Variants in SGSM2 observed in about 807,000 individuals in gnomAD.
SGSM2 encodes small G protein signaling modulator 2.
In SGSM2, 89 loss-of-function variants were observed where a neutral mutation model predicts 126.6. That is an observed-to-expected ratio of 0.70 (90% CI 0.59 to 0.84). SGSM2 has a LOEUF of 0.84. Ranked by LOEUF, SGSM2 falls within the 40% of genes least tolerant of loss-of-function variation. The probability of loss-of-function intolerance (pLI) is 0.00; values close to 1 mark genes in which losing one functional copy is unlikely to be tolerated. For missense variants in SGSM2, 1,404 were observed against 1,416.6 expected (o/e 0.99, Z 0.14); for synonymous variants, 614 against 574.3 (o/e 1.07, Z -0.99).
rs147368992 is a variant in SGSM2 at position 2,340,806 on chromosome 17, G to A, written c.58-2739G>A. ...TCACCATGTTAGCCAGGATGGTCTC[G>A]ATCTCCTGACCTCGTGATCCGCCCA... is the stretch of plus-strand genomic sequence containing the variant. On this transcript the variant is annotated intron_variant, in intron 1 of 23. Transcript: ENST00000268989. Among the ~76,000 whole-genome samples, 683 of 152,104 alleles carry A rather than the reference G, an allele frequency of 4.5e-3. 24 individuals are homozygous for A. In the East Asian group the frequency reaches 0.073, roughly 16 times the overall value.
chr17:2,376,147 T>A lies in SGSM2; in HGVS notation c.2495T>A (p.Leu832Gln). 3 of 1,614,104 alleles carry A rather than the reference T, an allele frequency of 1.9e-6. No individual in the cohort carries two copies. Among genetic ancestry groups the A allele is most frequent in the Middle Eastern group, 1.6e-4 (1 of 6,062 alleles). ...CCTCCACTCTTCCAGATAGAATTAC[T>A]GGACACTGTGGCCTTAAACCTGCAC... ...VCAAAYTIEL[L>Q]DTVALNLHRI... The change falls in exon 19 of 24, where the codon CTG becomes CAG. Residue 832 changes from leucine to glutamine, a missense_variant. By Grantham distance (113) the Leu-to-Gln change is moderately radical. Transcript: ENST00000268989.
Position 2,337,936 on chromosome 17 carries a change from A to C in SGSM2, c.57+191A>C, listed in dbSNP as rs2064155845. ...AGGGCAGCGCCCCTCTGCCCGGGGG[A>C]CCCGGCCGGCGCTCCCGGCTTGTTT... is the stretch of plus-strand genomic sequence containing the variant. On this transcript the variant is annotated intron_variant, in intron 1 of 23. Coordinates refer to ENST00000268989, the MANE Select transcript of SGSM2 (RefSeq NM_014853.3). This position sits in a 1 kb window ranked among gnomAD's most constrained non-coding sequence, Gnocchi z 5.1. Among the ~76,000 whole-genome samples the C allele has an allele frequency of 2.0e-5, 3 of 151,052 alleles. No homozygotes were observed. In the South Asian group the frequency reaches 6.3e-4, roughly 32 times the overall value.
chr17:2,373,148 G>A (rs1052090349), intron 16 of SGSM2, 67 bp downstream of exon 16: 3 of 1,591,316 alleles, frequency 1.9e-6, no homozygotes, highest in African/African-American at 1.3e-5. Flanking sequence ...CCAGGGAGGG[G>A]ACCTTGGAAG....
chr17:2,353,435 A>G (rs1268117233), intron 2 of SGSM2, among the ~76,000 whole-genome samples: 2 of 152,136 alleles, frequency 1.3e-5, no homozygotes, highest in African/African-American at 2.4e-5. Flanking sequence ...TTCATAATAT[A>G]TTTAACTGGT....
Position 2,363,017 on chromosome 17 carries a change from G to C in SGSM2, c.555G>C (p.Lys185Asn). 1.2e-6 allele frequency: 2 copies of C among 1,614,032 alleles called. No homozygotes were observed. The highest frequency in any genetic ancestry group is 1.7e-6 in the Non-Finnish European group (2 of 1,180,048). The stretch of plus-strand genomic sequence containing the variant: ...GACCCTGTGCCTTGGAATACACTAA[G>C]CTCAAGACAGCCGATCACTACTGGA... ...LVGPCALEYT[K>N]LKTADHYWTD... Residue 185 changes from lysine (K) to asparagine (N), a missense_variant, in exon 6 of 24, where the codon AAG becomes AAC. Coordinates refer to ENST00000268989, the MANE Select transcript of SGSM2 (RefSeq NM_014853.3). The surrounding 1 kb of genome is among the most constrained non-coding windows in gnomAD (Gnocchi z 4.2).
At chr17:2,354,239 G>A (rs939410805) in intron 2 of SGSM2, among the ~76,000 whole-genome samples, 8 of 69,538 alleles carry the variant, frequency 1.2e-4, no homozygotes, top group Non-Finnish European at 2.0e-4. Flanking sequence ...TAGTAGAGAC[G>A]GGGTTTCACT....
chr17:2,345,741 G>A (rs2064573443), intron 2 of SGSM2, among the ~76,000 whole-genome samples: 1 of 152,082 alleles, frequency 6.6e-6, no homozygotes, highest in Admixed American at 6.6e-5. Context: ...CAGTCACGGA[G>A]AACAGGAGCA....
chr17:2,359,125 C>T (rs1189259701), intron 2 of SGSM2, among the ~76,000 whole-genome samples: 1 of 152,160 alleles, frequency 6.6e-6, no homozygotes, highest in African/African-American at 2.4e-5. Flanking sequence ...GATCCGCCTG[C>T]CTCGGCCTCC....
At position 2,376,157 on chromosome 17, in the gene SGSM2, G is replaced by A. The variant is rs781546559; in HGVS notation, c.2505G>A (p.Val835=). 6.2e-7 allele frequency: 1 copy of A among 1,614,092 alleles called. No individual in the cohort carries two copies. Among genetic ancestry groups the A allele is most frequent in the South Asian group, 1.1e-5 (1 of 91,090 alleles). Residue 835 remains valine (V), a synonymous_variant, in exon 19 of 24, where the codon GTG becomes GTA. Coordinates refer to ENST00000268989, the MANE Select transcript of SGSM2 (RefSeq NM_014853.3). ...TCCAGATAGAATTACTGGACACTGT[G>A]GCCTTAAACCTGCACCGCATAGACA... ...AAYTIELLDT[V]ALNLHRIDKD...
intron 2 of SGSM2, among the ~76,000 whole-genome samples, chr17:2,358,873 G>GTT (rs759581510): frequency 0.12 from 10,611 of 86,964 alleles, 541 homozygotes; most frequent in South Asian, 0.2. Context: ...TGTTGTTGTT[G>GTT]TTTTTTTTTT....
At chr17:2,342,206 A>C (rs1200685947) in intron 1 of SGSM2, among the ~76,000 whole-genome samples, 7 of 151,084 alleles carry the variant, frequency 4.6e-5, no homozygotes, top group Non-Finnish European at 1.0e-4. Context: ...CACCGAGGTC[A>C]GGAGTTCAAG....
chr17:2,367,082 C>G lies in SGSM2; in HGVS notation c.1289-189C>G. 1.6e-6 allele frequency: 1 copy of G among 622,752 alleles called. No homozygotes were observed. The highest frequency in any genetic ancestry group is 2.7e-6 in the Non-Finnish European group (1 of 368,068). The allele number at this position is 622,752 out of a possible 1,614,324, so 38.6% of individuals were successfully genotyped here. On this transcript the variant is annotated intron_variant, in intron 11 of 23. Coordinates refer to ENST00000268989, the MANE Select transcript of SGSM2 (RefSeq NM_014853.3). This position sits in a 1 kb window ranked among gnomAD's most constrained non-coding sequence, Gnocchi z 4.0. ...GTGAGGTTCTGCAGCTGCCCCAGCC[C>G]CTCGCCTCCTTCCACACTCTCCCAG...
At chr17:2,378,120 C>T (rs2066263063) in intron 22 of SGSM2, among the ~76,000 whole-genome samples, 167 bp downstream of exon 22, 1 of 152,152 alleles carries the variant, frequency 6.6e-6, no homozygotes, top group African/African-American at 2.4e-5. Context: ...ACTGTGGCTG[C>T]CTGGGCCTAT....
chr17:2,364,451 G>A (rs2065463511), intron 8 of SGSM2, 145 bp from the exon 9 acceptor site: 1 of 911,386 alleles, frequency 1.1e-6, no homozygotes, highest in Non-Finnish European at 1.7e-6. Context: ...CAGATCTCAG[G>A]GGTCATGGCT....
In SGSM2 at chr17:2,363,246, G is replaced by A. The variant is rs570704946; in HGVS notation, c.672+112G>A. On this transcript the variant is annotated intron_variant, in intron 6 of 23. Transcript: ENST00000268989. The surrounding 1 kb of genome is among the most constrained non-coding windows in gnomAD (Gnocchi z 4.2). ...GGCCTTGGAGATGCCCCAAGGTAGCGGCTGCCTCAGAAGAGCCTTCTCCGC... is the reference window on the plus strand; with the variant it reads ...GGCCTTGGAGATGCCCCAAGGTAGCAGCTGCCTCAGAAGAGCCTTCTCCGC... 2.7e-5 allele frequency: 37 copies of A among 1,388,672 alleles called. No homozygotes were observed. Among genetic ancestry groups the A allele is most frequent in the East Asian group, 1.2e-4 (5 of 40,052 alleles). 86.0% of individuals were successfully genotyped at this position (1,388,672 alleles called of 1,614,324 possible).
At chr17:2,376,486 C>T in intron 19 of SGSM2, 1 of 667,372 alleles carries the variant, frequency 1.5e-6, no homozygotes, top group Non-Finnish European at 2.5e-6. Flanking sequence ...GAAGCTTTCC[C>T]TCATCCCCGC....
Position 2,377,966 on chromosome 17 carries a change from T to C in SGSM2, c.2899+13T>C, listed in dbSNP as rs1240257714. On this transcript the variant is annotated intron_variant, in intron 22 of 23. Transcript: ENST00000268989. ...GATTTTAAGAGAGGTAAGAAGTGGG[T>C]TGGATCATGGGGCTGAGGTCAGGGA... The C allele has an allele frequency of 5.2e-6, 8 of 1,552,584 alleles. No homozygotes were observed. Among genetic ancestry groups the C allele is most frequent in the East Asian group, 4.5e-5 (2 of 44,546 alleles).
At chr17:2,365,413 CAGG>C in intron 11 of SGSM2, 72 bp downstream of exon 11, 1 of 1,459,396 alleles carries the variant, frequency 6.9e-7, no homozygotes, top group Admixed American at 2.4e-5. Flanking sequence ...CAGCGTCACC[CAGG>C]AGGGCAGCAG....
At position 2,362,214 on chromosome 17, in the gene SGSM2, G is replaced by C; in HGVS notation, c.402G>C (p.Thr134=). Residue 134 remains threonine (T), a synonymous_variant, in exon 4 of 24, where the codon ACG becomes ACC. Transcript: ENST00000268989. The surrounding 1 kb of genome is among the most constrained non-coding windows in gnomAD (Gnocchi z 4.9). The part of the protein sequence containing the change: ...PQALKHVWVR[T]ALIEKVLDKV... ...CCTTGAAACACGTATGGGTACGCAC[G>C]GCGCTCATCGAGAAAGTTCTGGACA... The C allele has an allele frequency of 6.2e-7, 1 of 1,613,654 alleles. No individual in the cohort carries two copies. Among genetic ancestry groups the C allele is most frequent in the Non-Finnish European group, 8.5e-7 (1 of 1,179,892 alleles).
Sources: gnomAD v4.1 joint callset for allele counts (sites outside exome capture counted in the v4.1 genomes callset) on GRCh38, gnomAD v4.1.1 for gene constraint, Gnocchi (gnomAD v3.1) non-coding constraint, MANE v1.5 for transcripts, NCBI Gene and HGNC (gene_info 2026-07-23, HGNC 2026-07-21) for gene names.